Variants in RASEF observed in about 807,000 individuals in gnomAD.
The protein encoded by RASEF is RAS and EF-hand domain containing.
RASEF carries 68 observed loss-of-function variants against 90.1 expected under a neutral mutation model. That is an observed-to-expected ratio of 0.75 (90% CI 0.62 to 0.92). The LOEUF (loss-of-function observed/expected upper bound fraction) is 0.92, where lower values mean the gene tolerates loss of function less well. Ranked by LOEUF, RASEF falls within the 40% of genes least tolerant of loss-of-function variation. RASEF has a pLI of 0.00. For missense variants in RASEF, 949 were observed against 937.2 expected (o/e 1.01, Z -0.16); for synonymous variants, 331 against 345.2 (o/e 0.96, Z 0.46).
At chr9:83,061,125 T>C (rs1332330395) in intron 1 of RASEF, among the ~76,000 whole-genome samples, 1 of 152,194 alleles carries the variant, frequency 6.6e-6, no homozygotes. Flanking sequence ...GAAAGATGAC[T>C]CAAATAAAGA....
the RASEF span, among the ~76,000 whole-genome samples, chr9:83,201,591 C>T: frequency 6.6e-6 from 1 of 152,092 alleles, no homozygotes; most frequent in African/African-American, 2.4e-5. Flanking sequence ...AGCAGTTGGA[C>T]TCAATGTAAA....
chr9:83,097,995 T>C, the RASEF span, among the ~76,000 whole-genome samples: 1 of 152,166 alleles, frequency 6.6e-6, no homozygotes, highest in Non-Finnish European at 1.5e-5. Context: ...ATAAGAAAAT[T>C]GTGAGTCTGG....
chr9:83,102,544 G>A, the RASEF span, among the ~76,000 whole-genome samples: 1 of 152,158 alleles, frequency 6.6e-6, no homozygotes, highest in Non-Finnish European at 1.5e-5. Context: ...GTGTGGAAAA[G>A]AGAGTTTCTT....
intron 16 of RASEF, among the ~76,000 whole-genome samples, chr9:82,987,405 T>A (rs1828729151): frequency 6.6e-6 from 1 of 152,240 alleles, no homozygotes; most frequent in Non-Finnish European, 1.5e-5. Flanking sequence ...TAAAGCTTTT[T>A]AAAATAACTA....
intron 1 of RASEF, among the ~76,000 whole-genome samples, chr9:83,036,903 T>TA (rs34449001): frequency 1.3e-5 from 2 of 151,896 alleles, no homozygotes; most frequent in Non-Finnish European, 2.9e-5. Context: ...TGTTTTTTTT[T>TA]AAAAAAAGCT....
chr9:82,996,609 G>C (rs1828924118), intron 14 of RASEF, among the ~76,000 whole-genome samples: 1 of 152,120 alleles, frequency 6.6e-6, no homozygotes, highest in Non-Finnish European at 1.5e-5. Context: ...CTCATATCCA[G>C]GTGGTGTTTC....
chr9:83,105,001 G>A, the RASEF span, among the ~76,000 whole-genome samples: 13 of 152,100 alleles, frequency 8.5e-5, no homozygotes, highest in African/African-American at 3.1e-4. Context: ...CTAGGAGGAG[G>A]AAAGCAAAGC....
At chr9:83,192,714 TAA>T in the RASEF span, among the ~76,000 whole-genome samples, 9 of 68,502 alleles carry the variant, frequency 1.3e-4, no homozygotes, top group African/African-American at 4.4e-4. Context: ...AAAATAATAG[TAA>T]AAAAAAAAAA....
chr9:83,023,313 A>G (rs1457422091), intron 2 of RASEF, among the ~76,000 whole-genome samples: 1 of 152,226 alleles, frequency 6.6e-6, no homozygotes, highest in African/African-American at 2.4e-5. Context: ...TCACATCTCT[A>G]TGGAGACAGA....
chr9:83,167,544 T>C, the RASEF span, among the ~76,000 whole-genome samples: 6 of 152,240 alleles, frequency 3.9e-5, no homozygotes, highest in East Asian at 9.7e-4. Flanking sequence ...CACATATAAC[T>C]CACTCATTAA....
chr9:83,019,551 G>A (rs925399600), intron 3 of RASEF, among the ~76,000 whole-genome samples: 1 of 152,126 alleles, frequency 6.6e-6, no homozygotes, highest in African/African-American at 2.4e-5. Flanking sequence ...CATCTACATA[G>A]ATGATCAACC....
chr9:83,190,137 T>C, the RASEF span, among the ~76,000 whole-genome samples: 1 of 152,198 alleles, frequency 6.6e-6, no homozygotes, highest in Non-Finnish European at 1.5e-5. Flanking sequence ...TCTGCAGCAC[T>C]TTCCCCACAA....
the RASEF span, among the ~76,000 whole-genome samples, chr9:83,174,299 T>A: frequency 6.6e-6 from 1 of 152,074 alleles, no homozygotes; most frequent in Non-Finnish European, 1.5e-5. Context: ...ATATTTTCAG[T>A]CCATTTTGAG....
chr9:83,015,706 C>A, intron 4 of RASEF, 99 bp downstream of exon 4: 1 of 860,186 alleles, frequency 1.2e-6, no homozygotes, highest in Non-Finnish European at 2.0e-6. Flanking sequence ...CTGATCTATC[C>A]GCCACTTCAA....
intron 1 of RASEF, chr9:83,049,441 A>T: frequency 8.2e-6 from 5 of 612,850 alleles, no homozygotes; most frequent in Non-Finnish European, 1.0e-5. Flanking sequence ...TTTTCTATTT[A>T]GACCACAGAA....
At chr9:83,067,544 T>A (rs1193224571), upstream of RASEF, among the ~76,000 whole-genome samples, 1 of 152,224 alleles carries the variant, frequency 6.6e-6, no homozygotes, top group African/African-American at 2.4e-5. Flanking sequence ...CAGCTGAACT[T>A]CCCCTTTGAC....
chr9:83,090,020 T>C, the RASEF span, among the ~76,000 whole-genome samples: 1 of 152,190 alleles, frequency 6.6e-6, no homozygotes, highest in Non-Finnish European at 1.5e-5. Flanking sequence ...TGAGGATTTG[T>C]TCATTTTTCT....
chr9:83,054,592 C>A (rs1830069477), intron 1 of RASEF: 1 of 150,136 alleles, frequency 6.7e-6, no homozygotes, highest in African/African-American at 2.5e-5. Context: ...TGGTGAGGAA[C>A]TGCGTTCCTT....
the RASEF span, among the ~76,000 whole-genome samples, chr9:83,081,329 T>G: frequency 1.3e-5 from 2 of 152,204 alleles, no homozygotes; most frequent in Admixed American, 6.5e-5. Context: ...AACATATTGT[T>G]TCGTACAGAA....
Sources: gnomAD v4.1 joint callset for allele counts (sites outside exome capture counted in the v4.1 genomes callset) on GRCh38, gnomAD v4.1.1 for gene constraint, MANE v1.5 for transcripts, NCBI Gene and HGNC (gene_info 2026-07-23, HGNC 2026-07-21) for gene names.